The following LRP8 variants were observed in gnomAD, a reference collection of about 807,000 sequenced individuals.
LRP8 encodes LDL receptor related protein 8, also known as low-density lipoprotein receptor-related protein 8.
In LRP8, 46 loss-of-function variants were observed where a neutral mutation model predicts 111.6. The observed-to-expected ratio is 0.41, with a 90% confidence interval of 0.33 to 0.53. LRP8 has a LOEUF of 0.53. Ranked by LOEUF, LRP8 falls within the 20% of genes least tolerant of loss-of-function variation. LRP8 has a pLI of 0.20. For synonymous variants in LRP8, 464 were observed against 511.2 expected (o/e 0.91, Z 1.24); for missense variants, 959 against 1,297.4 (o/e 0.74, Z 4.01).
rs550886281 is a variant in LRP8, at chr1:53,243,217, C to T, written c.*3801G>A. ...GGCTTGCATTCCTGTGCCATTTCCC[C>T]ATTCCCACCAGTGCCCAACTGGACA... is the stretch of plus-strand genomic sequence containing the variant. On this transcript the variant is annotated 3_prime_UTR_variant, in exon 19 of 19. Coordinates refer to ENST00000306052, the MANE Select transcript of LRP8 (RefSeq NM_004631.5). 6.6e-6 allele frequency: 1 copy of T among 152,246 alleles called. No homozygotes were observed. Among genetic ancestry groups the T allele is most frequent in the South Asian group, 2.1e-4 (1 of 4,828 alleles). The allele number at this position is 152,246 out of a possible 1,614,324, so 9.4% of individuals were successfully genotyped here.
chr1:53,307,850 C>T (rs747461854), intron 2 of LRP8, among the ~76,000 whole-genome samples: 15 of 152,230 alleles, frequency 9.9e-5, no homozygotes, highest in Admixed American at 2.6e-4. Flanking sequence ...GAGGCCAAGG[C>T]GGGAAGCAGG....
chr1:53,258,466 C>G lies in LRP8; in HGVS notation c.2062G>C (p.Asp688His). 1.9e-6 allele frequency: 3 copies of G among 1,613,888 alleles called. No homozygotes were observed. The highest frequency in any genetic ancestry group is 2.5e-6 in the Non-Finnish European group (3 of 1,179,898). Residue 688 changes from aspartate to histidine, a missense_variant, in exon 14 of 19, where the codon GAT (aspartate) becomes CAT (histidine). By Grantham distance (81) the Asp-to-His change is moderately conservative. Transcript: ENST00000306052. ...FHELKQPRAP[D>H]ACELSVQPNG... The stretch of plus-strand genomic sequence containing the variant: ...GGCTGGACACTCAGCTCACAGGCAT[C>G]TGGAGCTAATGGCAGAGAGGGAGAC...
rs564448945 is a variant in LRP8 at position 53,250,585 on chromosome 1, A to G, written c.2676+105T>C. 1 of 950,468 alleles carries G rather than the reference A, an allele frequency of 1.1e-6. No individual in the cohort carries two copies. The highest frequency in any genetic ancestry group is 1.6e-6 in the Non-Finnish European group (1 of 620,964). 58.9% of individuals were successfully genotyped at this position (950,468 alleles called of 1,614,324 possible). ...GAGGGAGGGAAGGACGGAAGGAAGG[A>G]AGGGAGGGAAGAAAGGATGGGAAGG... On this transcript the variant is annotated intron_variant, in intron 17 of 18. Transcript: ENST00000306052. This position sits in a 1 kb window ranked among gnomAD's most constrained non-coding sequence, Gnocchi z 4.6.
At chr1:53,309,371 G>C (rs1207019669) in intron 2 of LRP8, among the ~76,000 whole-genome samples, 1 of 152,206 alleles carries the variant, frequency 6.6e-6, no homozygotes, top group East Asian at 1.9e-4. Flanking sequence ...AGTGCGTGGG[G>C]CTCATCATCT....
chr1:53,288,815 TCTC>T (rs1215571460), intron 3 of LRP8, among the ~76,000 whole-genome samples: 1 of 152,126 alleles, frequency 6.6e-6, no homozygotes, highest in East Asian at 1.9e-4. Flanking sequence ...CCCCTTCTCA[TCTC>T]CTTTTTAATT....
At chr1:53,319,502 C>A (rs1007950749) in intron 2 of LRP8, among the ~76,000 whole-genome samples, 5 of 152,186 alleles carry the variant, frequency 3.3e-5, no homozygotes, top group Non-Finnish European at 5.9e-5. Flanking sequence ...CACTCCATGG[C>A]GCCTGAGAGC....
intron 16 of LRP8, among the ~76,000 whole-genome samples, chr1:53,251,168 G>C (rs1645883721): frequency 6.6e-6 from 1 of 152,176 alleles, no homozygotes; most frequent in Non-Finnish European, 1.5e-5. Flanking sequence ...CTCCCAACTA[G>C]ATAGCTCTTT....
At position 53,301,136 on chromosome 1, in the gene LRP8, G is replaced by A. The variant is rs180813189; in HGVS notation, c.245-11447C>T. On this transcript the variant is annotated intron_variant, in intron 2 of 18. Transcript: ENST00000306052. ...GCAGAGCACGTGGCTCAGGGCAGGT[G>A]CTCAATGGAGAGAGTGGAAGGGCCC... is the stretch of plus-strand genomic sequence containing the variant. 2.6e-3 allele frequency among the ~76,000 whole-genome samples: 397 copies of A among 152,318 alleles called. 3 individuals are homozygous for A. The highest frequency in any genetic ancestry group is 9.0e-3 in the African/African-American group (373 of 41,572).
At position 53,264,282 on chromosome 1, in the gene LRP8, A is replaced by C. The variant is rs180896040; in HGVS notation, c.1542T>G (p.Thr514=). The C allele has an allele frequency of 5.0e-5, 81 of 1,614,214 alleles. No individual in the cohort carries two copies. The highest frequency in any genetic ancestry group is 4.7e-4 in the Admixed American group (28 of 60,030). ...CTGAGATGGTCTTATTGCCCGAGTC[A>C]GTCCAGTAGATGTGCTTGTGGACCC... ...VDWVHKHIYW[T]DSGNKTISVA... is the part of the protein sequence containing the mutation. Residue 514 remains threonine, a synonymous_variant, in exon 10 of 19, where the codon ACT becomes ACG. Transcript: ENST00000306052.
At chr1:53,300,615 G>A (rs961501249) in intron 2 of LRP8, among the ~76,000 whole-genome samples, 1 of 152,230 alleles carries the variant, frequency 6.6e-6, no homozygotes, top group African/African-American at 2.4e-5. Flanking sequence ...CCATCCACCA[G>A]ACCGGACTAG....
At chr1:53,321,214 G>C (rs1654467729) in intron 2 of LRP8, among the ~76,000 whole-genome samples, 2 of 152,212 alleles carry the variant, frequency 1.3e-5, no homozygotes, top group Admixed American at 1.3e-4. Flanking sequence ...GACACGTTGT[G>C]GGAGCTCAGG....
In LRP8 at chr1:53,257,391, G is replaced by A. The variant is rs370305701; in HGVS notation, c.2283C>T (p.Pro761=). 6.8e-6 allele frequency: 11 copies of A among 1,613,868 alleles called. No homozygotes were observed. The highest frequency in any genetic ancestry group is 2.2e-5 in the East Asian group (1 of 44,890). ...AGGTGGATCTGTGGACGGTGGTCCC[G>A]GGGGCTCTTGTGGTGGCAGGTACTG... The part of the protein sequence containing the change: ...TRTVPATTRA[P]GTTVHRSTYQ... The change falls in exon 15 of 19, where the codon CCC becomes CCT. Residue 761 remains proline (P), a synonymous_variant. Transcript: ENST00000306052.
intron 2 of LRP8, among the ~76,000 whole-genome samples, chr1:53,311,253 C>G (rs990687916): frequency 7.2e-5 from 11 of 152,104 alleles, no homozygotes; most frequent in African/African-American, 2.7e-4. Context: ...GAGGGCCCTG[C>G]TGGCAGCAGG....
At chr1:53,269,740 C>A (rs1278196030) in intron 8 of LRP8, among the ~76,000 whole-genome samples, 1 of 152,156 alleles carries the variant, frequency 6.6e-6, no homozygotes, top group Non-Finnish European at 1.5e-5. Context: ...TTTTCCTTAG[C>A]CCTTATCGCC....
In LRP8 at chr1:53,264,226, G is replaced by T; in HGVS notation, c.1598C>A (p.Thr533Asn). The T allele has an allele frequency of 6.2e-7, 1 of 1,614,128 alleles. No homozygotes were observed. Among genetic ancestry groups the T allele is most frequent in the Admixed American group, 1.7e-5 (1 of 60,028 alleles). ...TTCACTGAGGTTACGGCTGAAGAGA[G>T]TGCGTCGGCGGCCACCATCAACTGT... ...VATVDGGRRR[T>N]LFSRNLSEPR... Residue 533 changes from threonine to asparagine, a missense_variant, in exon 10 of 19, where the codon ACT becomes AAT. By Grantham distance (65) the Thr-to-Asn change is moderately conservative. Around this residue, in one of 3 missense-constraint regions of LRP8, gnomAD observed 819 missense variants for 1,097.6 expected, o/e 0.75. Coordinates refer to ENST00000306052, the MANE Select transcript of LRP8 (RefSeq NM_004631.5).
In LRP8 at chr1:53,249,441, C is replaced by T; in HGVS notation, c.2792G>A (p.Arg931Lys). ...KELFVLPGEP[R>K]SQLHQLPKNP... Reference sequence around the variant, plus strand: ...CTTCGGGAGTTGGTGCAGCTGTGACCTTGGTTCCCCCGGCAAGACAAAAAG... The same window carrying T: ...CTTCGGGAGTTGGTGCAGCTGTGACTTTGGTTCCCCCGGCAAGACAAAAAG... Residue 931 changes from arginine (R) to lysine (K), a missense_variant, in exon 18 of 19, where the codon AGG becomes AAG. Coordinates refer to ENST00000306052, the MANE Select transcript of LRP8 (RefSeq NM_004631.5). This position sits in a 1 kb window ranked among gnomAD's most constrained non-coding sequence, Gnocchi z 4.1. 6.2e-7 allele frequency: 1 copy of T among 1,614,202 alleles called. No homozygotes were observed. Among genetic ancestry groups the T allele is most frequent in the Non-Finnish European group, 8.5e-7 (1 of 1,180,040 alleles).
chr1:53,278,858 C>T (rs1329654033), intron 4 of LRP8, among the ~76,000 whole-genome samples: 1 of 151,454 alleles, frequency 6.6e-6, no homozygotes, highest in Non-Finnish European at 1.5e-5. Flanking sequence ...AACCCCACCT[C>T]CTGCGTTCCA....
chr1:53,266,290 C>A lies in LRP8; in HGVS notation c.1427+183G>T, dbSNP rs143297834. Among the ~76,000 whole-genome samples the A allele has an allele frequency of 1.4e-3, 213 of 152,294 alleles. No individual in the cohort carries two copies. The highest frequency in any genetic ancestry group is 4.8e-3 in the African/African-American group (199 of 41,548). ...AAAGCTGCTAACCCAAGGGAGCCCT[C>A]AGACTACTCCAGCCCCAGTAAAGTC... On this transcript the variant is annotated intron_variant, in intron 9 of 18. Transcript: ENST00000306052. The surrounding 1 kb of genome is among the most constrained non-coding windows in gnomAD (Gnocchi z 5.0).
chr1:53,283,279 C>T (rs966881148), intron 3 of LRP8, among the ~76,000 whole-genome samples: 8 of 152,040 alleles, frequency 5.3e-5, no homozygotes, highest in South Asian at 4.1e-4. Context: ...CGGAAACTGC[C>T]GGTGCCTTGA....
Sources: allele counts gnomAD v4.1 joint callset (sites outside exome capture counted in the v4.1 genomes callset), GRCh38; gene constraint gnomAD v4.1.1; regional missense constraint gnomAD v4.1.1; non-coding constraint Gnocchi (gnomAD v3.1); transcripts MANE v1.5; gene names NCBI Gene and HGNC (gene_info 2026-07-23, HGNC 2026-07-21).